Variants in TTC21B observed in about 807,000 individuals in gnomAD.
The protein encoded by TTC21B is tetratricopeptide repeat domain 21B.
In TTC21B, 127 loss-of-function variants were observed where a neutral mutation model predicts 175.1. The observed-to-expected ratio is 0.73, with a 90% CI of 0.63 to 0.84. The LOEUF is 0.84. Among genes scored for constraint, TTC21B ranks in the 40% least tolerant of loss-of-function variants. TTC21B has a pLI of 0.00. For missense variants in TTC21B, 1,561 were observed against 1,558.3 expected, an observed-to-expected ratio of 1.00 and a Z score of -0.03; for synonymous variants, 524 against 524.5, an observed-to-expected ratio of 1.00 and a Z score of 0.01.
intron 15 of TTC21B, among the ~76,000 whole-genome samples, chr2:165,914,133 C>A (rs1686057368): frequency 6.6e-6 from 1 of 152,064 alleles, no homozygotes; most frequent in Non-Finnish European, 1.5e-5. Flanking sequence ...AAAATGTAGA[C>A]TACTAAAGGT....
chr2:165,888,574 T>G, intron 24 of TTC21B, 100 bp from the exon 25 acceptor site: 2 of 850,574 alleles, frequency 2.4e-6, no homozygotes, highest in Non-Finnish European at 3.8e-6. Context: ...GGGCACTCTT[T>G]TATACTCTTT....
intron 13 of TTC21B, 117 bp downstream of exon 13, chr2:165,919,147 GTTCCATTTTTTT>G: frequency 8.9e-7 from 1 of 1,119,504 alleles, no homozygotes; most frequent in Non-Finnish European, 1.3e-6. Context: ...CTGCTTGTGA[GTTCCATTTTTTT>G]TTCCATTAAA....
intron 3 of TTC21B, 104 bp from the exon 4 acceptor site, chr2:165,945,794 G>A: frequency 8.9e-7 from 1 of 1,117,372 alleles, no homozygotes; most frequent in Admixed American, 2.4e-5. Context: ...CTCTATAGTG[G>A]TACTGTCTAA....
chr2:165,879,762 A>G (rs565247075), intron 27 of TTC21B: 1 of 152,050 alleles, frequency 6.6e-6, no homozygotes, highest in South Asian at 2.1e-4. Context: ...ATTCTTTTTA[A>G]TTAAAAAAAA....
chr2:165,917,264 C>A lies in TTC21B; in HGVS notation c.1892G>T (p.Gly631Val). ...LELIDVHRLNGEQHEATKVLQ... is the reference protein window; with the variant it reads ...LELIDVHRLNVEQHEATKVLQ... ...AATTAAAACTTGACCTACCTGCTCT[C>A]CATTTAAGCGGTGAACGTCTATCAA... The change falls in exon 14 of 29, where the codon GGA becomes GTA. Residue 631 changes from glycine to valine, a missense_variant. Transcript: ENST00000243344. The A allele has an allele frequency of 6.2e-7, 1 of 1,613,984 alleles. No individual in the cohort carries two copies. The highest frequency in any genetic ancestry group is 8.5e-7 in the Non-Finnish European group (1 of 1,179,870).
In TTC21B at chr2:165,933,009, T is replaced by C. The variant is rs1686969989; in HGVS notation, c.759A>G (p.Ala253=). The C allele has an allele frequency of 6.2e-7, 1 of 1,613,016 alleles. No individual in the cohort carries two copies. ...CCCCCTCTCTACACACATAGTAGAG[T>C]GCCTGCATTCTCAGTGCTTCCACAT... is the stretch of plus-strand genomic sequence containing the variant. The part of the protein sequence containing the change: ...SQNVEALRMQ[A]LYYVCREGDI... Residue 253 remains alanine, a synonymous_variant, in exon 7 of 29, where the codon GCA becomes GCG. Transcript: ENST00000243344.
rs965238984 is a variant in TTC21B, at chr2:165,911,347, T to C, written c.2441A>G (p.His814Arg). 4.3e-6 allele frequency: 7 copies of C among 1,613,810 alleles called. No individual in the cohort carries two copies. The Admixed American group carries it at 5.0e-5, about 12-fold the overall frequency. Residue 814 changes from histidine (H) to arginine (R), a missense_variant, in exon 18 of 29, where the codon CAT (histidine) becomes CGT (arginine). By Grantham distance (29) the His-to-Arg change is conservative (BLOSUM62 0). Transcript: ENST00000243344. Reference protein sequence around the residue: ...WYDKAEKVLQHALAHEPVNEL... With the variant: ...WYDKAEKVLQRALAHEPVNEL... ...CATACCAGGTTCATGAGCCAGAGCATGCTGAAGAACTTTTTCTGCTTTGTC... is the reference window on the plus strand; with the variant it reads ...CATACCAGGTTCATGAGCCAGAGCACGCTGAAGAACTTTTTCTGCTTTGTC...
At chr2:165,892,394 C>T (rs552996017) in intron 22 of TTC21B, among the ~76,000 whole-genome samples, 1 of 152,240 alleles carries the variant, frequency 6.6e-6, no homozygotes, top group African/African-American at 2.4e-5. Context: ...GAGACTCAAA[C>T]AGGTATTCGT....
At chr2:165,950,254 T>A (rs934980395) in intron 1 of TTC21B, among the ~76,000 whole-genome samples, 1 of 152,214 alleles carries the variant, frequency 6.6e-6, no homozygotes, top group Non-Finnish European at 1.5e-5. Flanking sequence ...ACAAATAAAT[T>A]GTCAGTTAAG....
At chr2:165,919,965 A>C (rs980124106) in intron 12 of TTC21B, among the ~76,000 whole-genome samples, 1 of 152,212 alleles carries the variant, frequency 6.6e-6, no homozygotes, top group African/African-American at 2.4e-5. Context: ...AAATACCTTT[A>C]AATACCAATG....
Position 165,953,670 on chromosome 2 carries a change from C to CGCTCACCA in TTC21B, c.21+14_21+15insTGGTGAGC, listed in dbSNP as rs1244457893. ...CCGCCCGCCCGCTCACCCGCTCACCCGCTCACCCGCTCACCTTCAATTCCT... is the reference window on the plus strand; with the variant it reads ...CCGCCCGCCCGCTCACCCGCTCACCCGCTCACCAGCTCACCCGCTCACCTTCAATTCCT... On this transcript the variant is annotated intron_variant, in intron 1 of 28. Coordinates refer to ENST00000243344, the MANE Select transcript of TTC21B (RefSeq NM_024753.5). 1.3e-6 allele frequency: 2 copies of CGCTCACCA among 1,547,742 alleles called. No individual in the cohort carries two copies. The highest frequency in any genetic ancestry group is 3.9e-5 in the Admixed American group (2 of 50,986).
At chr2:165,941,210 T>C in intron 5 of TTC21B, 26 bp from the exon 6 acceptor site, 1 of 1,613,250 alleles carries the variant, frequency 6.2e-7, no homozygotes, top group Non-Finnish European at 8.5e-7. Context: ...AAAAGTGATA[T>C]CCAAACTGTG....
chr2:165,910,384 C>G (rs552224843), intron 18 of TTC21B, among the ~76,000 whole-genome samples: 1 of 151,204 alleles, frequency 6.6e-6, no homozygotes, highest in Non-Finnish European at 1.5e-5. Flanking sequence ...GCCTGGGCAA[C>G]AGAGTGAGAC....
Position 165,927,325 on chromosome 2 carries a change from A to ATATATAT in TTC21B, c.1386+1809_1386+1810insATATATA, listed in dbSNP as rs1686710164. Among the ~76,000 whole-genome samples, 24 of 58,434 alleles carry ATATATAT rather than the reference A, an allele frequency of 4.1e-4. 6 individuals carry two copies. The highest frequency in any genetic ancestry group is 6.1e-4 in the Admixed American group (3 of 4,906). The allele number at this position is 58,434 out of a possible 152,430, so 38.3% of individuals were successfully genotyped here. ...ATATATATTATATATTATATAATATATATATAATATATAATATATATATAA... is the reference window on the plus strand; with the variant it reads ...ATATATATTATATATTATATAATATATATATATTATATAATATATAATATATATATAA... On this transcript the variant is annotated intron_variant, in intron 11 of 28. Transcript: ENST00000243344.
Position 165,901,801 on chromosome 2 carries a change from T to C in TTC21B, c.2678A>G (p.His893Arg), listed in dbSNP as rs761684999. 1.2e-6 allele frequency: 2 copies of C among 1,614,052 alleles called. No homozygotes were observed. The highest frequency in any genetic ancestry group is 1.7e-6 in the Non-Finnish European group (2 of 1,180,030). The change falls in exon 20 of 29, where the codon CAT becomes CGT. Residue 893 changes from histidine to arginine, a missense_variant. Coordinates refer to ENST00000243344, the MANE Select transcript of TTC21B (RefSeq NM_024753.5). ...TTCATAGTCTCGCTGAGCAACAGAA[T>C]GTTTTGCAATCTCTGCACAAATTTC... The part of the protein sequence containing the change: ...AAEICAEIAK[H>R]SVAQRDYEKA...
chr2:165,873,722 A>G lies in TTC21B; in HGVS notation c.*1033T>C, dbSNP rs1684579209. On this transcript the variant is annotated 3_prime_UTR_variant, in exon 29 of 29. Transcript: ENST00000243344. Reference sequence around the variant, plus strand: ...GACCTATTTAAATTGAGGTTTCAGGACCTGATTATTTCTTAAGACCACAAT... The same window carrying G: ...GACCTATTTAAATTGAGGTTTCAGGGCCTGATTATTTCTTAAGACCACAAT... 6.6e-6 allele frequency: 1 copy of G among 152,126 alleles called. No individual in the cohort carries two copies. The highest frequency in any genetic ancestry group is 2.1e-4 in the South Asian group (1 of 4,824). 9.4% of individuals were successfully genotyped at this position (152,126 alleles called of 1,614,324 possible).
In TTC21B at chr2:165,949,429, G is replaced by A; in HGVS notation, c.227C>T (p.Ala76Val). The change falls in exon 3 of 29, where the codon GCA becomes GTA. Residue 76 changes from alanine to valine, a missense_variant. Physicochemically the swap from Ala to Val is moderately conservative, Grantham distance 64 (BLOSUM62 0). Coordinates refer to ENST00000243344, the MANE Select transcript of TTC21B (RefSeq NM_024753.5). Reference sequence around the variant, plus strand: ...ACTCATTTTATGGGCATATATCAGTGCAAGTAGAGAACAAAGTGATACATC... The same window carrying A: ...ACTCATTTTATGGGCATATATCAGTACAAGTAGAGAACAAAGTGATACATC... ...KQDVSLCSLLALIYAHKMSPN... is the reference protein window; with the variant it reads ...KQDVSLCSLLVLIYAHKMSPN... 6.2e-7 allele frequency: 1 copy of A among 1,613,564 alleles called. No homozygotes were observed. The highest frequency in any genetic ancestry group is 1.1e-5 in the South Asian group (1 of 91,068).
intron 27 of TTC21B, chr2:165,880,071 G>A (rs1189269428): frequency 6.5e-6 from 1 of 153,770 alleles, no homozygotes; most frequent in African/African-American, 2.4e-5. Context: ...ACAAACATGA[G>A]GATGAGCTCC....
chr2:165,923,457 T>TG (rs1686497449), intron 12 of TTC21B, among the ~76,000 whole-genome samples: 1 of 150,338 alleles, frequency 6.7e-6, no homozygotes, highest in African/African-American at 2.4e-5. Context: ...TTTTTTTTTT[T>TG]TTTTTCCAAG....
Sources: allele counts gnomAD v4.1 joint callset (sites outside exome capture counted in the v4.1 genomes callset), GRCh38; gene constraint gnomAD v4.1.1; transcripts MANE v1.5; gene names NCBI Gene and HGNC (gene_info 2026-07-23, HGNC 2026-07-21).